The following RFX1 variants were observed in gnomAD, a reference collection of about 807,000 sequenced individuals.
The protein encoded by RFX1 is regulatory factor X1, also known as MHC class II regulatory factor RFX1.
In RFX1, 42 loss-of-function variants were observed where a neutral mutation model predicts 119.6. That is an observed-to-expected ratio of 0.35 (90% CI 0.27 to 0.45). The LOEUF (loss-of-function observed/expected upper bound fraction) is 0.45, where lower values mean the gene tolerates loss of function less well. Ranked by LOEUF, RFX1 falls within the 20% of genes least tolerant of loss-of-function variation. RFX1 has a pLI of 1.00. For synonymous variants in RFX1, 628 were observed against 618.5 expected (o/e 1.02, Z -0.23); for missense variants, 1,118 against 1,368.1 (o/e 0.82, Z 2.88).
chr19:13,963,992 C>T lies in RFX1; in HGVS notation c.2227G>A (p.Ala743Thr), dbSNP rs1349177606. Residue 743 changes from alanine (A) to threonine (T), a missense_variant, in exon 17 of 21, where the codon GCC becomes ACC. By Grantham distance (58) the Ala-to-Thr change is moderately conservative. Transcript: ENST00000254325. ...MLRVKVAAAG[A>T]FAQTLRRYTS... ...TAGCGCCGCAGTGTCTGCGCGAAGG[C>T]GCCAGCCGCGGCCACCTGCGTGCAG... 1 of 1,534,900 alleles carries T rather than the reference C, an allele frequency of 6.5e-7. No individual in the cohort carries two copies. Among genetic ancestry groups the T allele is most frequent in the Non-Finnish European group, 8.7e-7 (1 of 1,146,206 alleles).
At chr19:14,003,649 T>G (rs780987520) in intron 1 of RFX1, among the ~76,000 whole-genome samples, 1 of 152,110 alleles carries the variant, frequency 6.6e-6, no homozygotes, top group Non-Finnish European at 1.5e-5. Context: ...CTGGGATCCA[T>G]AGCACAGAAA....
chr19:13,983,464 C>T, intron 3 of RFX1, 22 bp downstream of exon 3: 4 of 1,561,332 alleles, frequency 2.6e-6, no homozygotes, highest in Non-Finnish European at 3.5e-6. Context: ...CTCCCCCACC[C>T]CCTGGGAGGG....
At chr19:14,005,366 GGCAGGTTTA>G (rs1975338108) in intron 1 of RFX1, among the ~76,000 whole-genome samples, 1 of 152,196 alleles carries the variant, frequency 6.6e-6, no homozygotes, top group Non-Finnish European at 1.5e-5. Context: ...GAGAGAAGGT[GGCAGGTTTA>G]GGAGTGGGCT....
At chr19:14,004,402 G>A (rs1196147280) in intron 1 of RFX1, among the ~76,000 whole-genome samples, 1 of 152,170 alleles carries the variant, frequency 6.6e-6, no homozygotes, top group African/African-American at 2.4e-5. Flanking sequence ...CAGCGACTCA[G>A]GAGACTGAGG....
chr19:13,963,486 G>A (rs1568456053), intron 18 of RFX1, 52 bp downstream of exon 18: 14 of 1,521,366 alleles, frequency 9.2e-6, no homozygotes, highest in African/African-American at 1.4e-5. Flanking sequence ...GACCCCCAGG[G>A]ACGCGGGGCC....
In RFX1 at chr19:13,985,259, T is replaced by G. The variant is rs1475809162; in HGVS notation, c.320-1664A>C. ...GTGGCGCAATCTCTGCTCACTGAAATCTCCGCCTCCCGGTTCAAGTGATTC... is the reference window on the plus strand; with the variant it reads ...GTGGCGCAATCTCTGCTCACTGAAAGCTCCGCCTCCCGGTTCAAGTGATTC... On this transcript the variant is annotated intron_variant, in intron 2 of 20. Transcript: ENST00000254325. This position sits in a 1 kb window ranked among gnomAD's most constrained non-coding sequence, Gnocchi z 4.3. Among the ~76,000 whole-genome samples, 2 of 150,506 alleles carry G rather than the reference T, an allele frequency of 1.3e-5. No homozygotes were observed. Among genetic ancestry groups the G allele is most frequent in the Non-Finnish European group, 2.9e-5 (2 of 67,832 alleles).
intron 1 of RFX1, among the ~76,000 whole-genome samples, chr19:13,996,144 G>GT (rs1295663447): frequency 2.0e-5 from 3 of 152,230 alleles, no homozygotes; most frequent in Non-Finnish European, 4.4e-5. Flanking sequence ...CAGCCCCACT[G>GT]TAGCAGGGGA....
At chr19:14,003,730 C>A (rs1975288516) in intron 1 of RFX1, among the ~76,000 whole-genome samples, 1 of 152,138 alleles carries the variant, frequency 6.6e-6, no homozygotes. Context: ...GCCCAGAAAA[C>A]TTAAGTAACT....
chr19:14,002,172 G>A (rs1362034567), intron 1 of RFX1, among the ~76,000 whole-genome samples: 1 of 151,850 alleles, frequency 6.6e-6, no homozygotes, highest in Non-Finnish European at 1.5e-5. Context: ...AAAATGAGCC[G>A]GTCATGGTGG....
chr19:14,004,439 C>T lies in RFX1; in HGVS notation c.-53+1664G>A, dbSNP rs868640927. Among the ~76,000 whole-genome samples the T allele has an allele frequency of 4.6e-5, 7 of 152,106 alleles. No homozygotes were observed. The Middle Eastern group carries it at 0.014, about 296-fold the overall frequency. ...AGGAGAATCACTTGTACCCGGGAGG[C>T]GGAGGCTGCAGTGAGCCAAAATCAA... On this transcript the variant is annotated intron_variant, in intron 1 of 20. Transcript: ENST00000254325.
intron 18 of RFX1, 94 bp from the exon 19 acceptor site, chr19:13,963,369 C>T: frequency 6.8e-7 from 1 of 1,479,728 alleles, no homozygotes; most frequent in South Asian, 1.3e-5. Flanking sequence ...CTCGCGCCAG[C>T]CCAGTGACTC....
intron 2 of RFX1, among the ~76,000 whole-genome samples, 173 bp from the exon 3 acceptor site, chr19:13,983,768 G>A (rs1365436703): frequency 2.0e-5 from 3 of 152,234 alleles, no homozygotes; most frequent in African/African-American, 4.8e-5. Context: ...AGGGGCCCAC[G>A]TGGCAGAGCG....
chr19:13,989,535 T>G (rs989528102), intron 2 of RFX1, among the ~76,000 whole-genome samples: 2 of 146,442 alleles, frequency 1.4e-5, no homozygotes, highest in Non-Finnish European at 1.5e-5. Context: ...ACACCCAGCT[T>G]AGAGAGAGAG....
chr19:13,971,076 G>A (rs1257198235), intron 9 of RFX1, among the ~76,000 whole-genome samples: 3 of 152,046 alleles, frequency 2.0e-5, no homozygotes, highest in Non-Finnish European at 4.4e-5. Context: ...GCTCACACCT[G>A]TAATCCCAAC....
rs1015822368 is a variant in RFX1 at position 13,967,563 on chromosome 19, G to A, written c.1733-812C>T. ...ATGATCTTGACTCACTGCAACCTCC[G>A]CCTCCTGAGTTCAAGCAATTCTCCT... On this transcript the variant is annotated intron_variant, in intron 12 of 20. Coordinates refer to ENST00000254325, the MANE Select transcript of RFX1 (RefSeq NM_002918.5). Among the ~76,000 whole-genome samples, 29 of 151,782 alleles carry A rather than the reference G, an allele frequency of 1.9e-4. 1 individual carries two copies. Among genetic ancestry groups the A allele is most frequent in the Admixed American group, 4.6e-4 (7 of 15,224 alleles).
At position 13,979,551 on chromosome 19, in the gene RFX1, G is replaced by T; in HGVS notation, c.739-9C>A. 1 of 1,576,626 alleles carries T rather than the reference G, an allele frequency of 6.3e-7. No homozygotes were observed. Among genetic ancestry groups the T allele is most frequent in the African/African-American group, 1.4e-5 (1 of 73,618 alleles). On this transcript the variant is annotated splice_polypyrimidine_tract_variant and intron_variant, in intron 6 of 20. Transcript: ENST00000254325. ...GCCTGGACCACAGATCTCTGGGAGG[G>T]GAAAGGCAACAATAAGATGACCATG... is the stretch of plus-strand genomic sequence containing the variant.
In RFX1 at chr19:13,976,571, C is replaced by T. The variant is rs1197792690; in HGVS notation, c.929+1421G>A. 1.2e-4 allele frequency among the ~76,000 whole-genome samples: 19 copies of T among 152,288 alleles called. No homozygotes were observed. The East Asian group carries it at 3.3e-3, about 26-fold the overall frequency. ...ATCACTGGGTGGGGACTGATGACAT[C>T]GTGGCTGCTGCATCTGCACAGGGGT... On this transcript the variant is annotated intron_variant, in intron 8 of 20. Transcript: ENST00000254325.
rs746791864 is a variant in RFX1 at position 13,993,607 on chromosome 19, C to T, written c.237G>A (p.Pro79=). ...TTGGCTGCGAGGGTGCGGGTACAGC[C>T]GGGAGCTCCGTCACGTACTGCTTCT... ...GGQKQYVTEL[P]AVPAPSQPTG... is the part of the protein sequence containing the mutation. The change falls in exon 2 of 21, where the codon CCG becomes CCA. Residue 79 remains proline, a synonymous_variant. Coordinates refer to ENST00000254325, the MANE Select transcript of RFX1 (RefSeq NM_002918.5). The T allele has an allele frequency of 1.1e-5, 17 of 1,611,116 alleles. No individual in the cohort carries two copies. The highest frequency in any genetic ancestry group is 4.5e-5 in the East Asian group (2 of 44,822).
intron 8 of RFX1, among the ~76,000 whole-genome samples, chr19:13,976,148 G>A (rs1974248329): frequency 6.6e-6 from 1 of 152,152 alleles, no homozygotes; most frequent in Non-Finnish European, 1.5e-5. Flanking sequence ...GAAACAAATG[G>A]AACTGTGAGG....
Sources: allele counts gnomAD v4.1 joint callset (sites outside exome capture counted in the v4.1 genomes callset), GRCh38; gene constraint gnomAD v4.1.1; non-coding constraint Gnocchi (gnomAD v3.1); transcripts MANE v1.5; gene names NCBI Gene and HGNC (gene_info 2026-07-23, HGNC 2026-07-21).